Variants in BACH2 observed in about 807,000 individuals in gnomAD.
The protein encoded by BACH2 is BACH transcriptional regulator 2.
BACH2 carries 5 observed loss-of-function variants against 61.8 expected under a neutral mutation model. The ratio of observed to expected loss-of-function variants is 0.08; its 90% CI spans 0.04 to 0.17. The LOEUF is 0.17. Ranked by LOEUF, BACH2 falls within the 10% of genes least tolerant of loss-of-function variation. The pLI, the probability that BACH2 is intolerant of heterozygous loss-of-function variation, is 1.00. For synonymous variants in BACH2, 446 were observed against 440.1 expected, an observed-to-expected ratio of 1.01 and a Z score of -0.17; for missense variants, 824 against 1,091.1, an observed-to-expected ratio of 0.76 and a Z score of 3.45.
intron 4 of BACH2, among the ~76,000 whole-genome samples, chr6:90,188,596 A>G (rs1768441031): frequency 6.6e-6 from 1 of 152,106 alleles, no homozygotes. Context: ...GTACTCATTC[A>G]TGACCAAAAG....
intron 5 of BACH2, among the ~76,000 whole-genome samples, chr6:90,023,118 A>G (rs1778462402): frequency 6.6e-6 from 1 of 152,250 alleles, no homozygotes; most frequent in Non-Finnish European, 1.5e-5. Context: ...ACACAGGATA[A>G]TAACATACAA....
At chr6:89,974,377 G>T (rs561133048) in intron 6 of BACH2, among the ~76,000 whole-genome samples, 4 of 152,198 alleles carry the variant, frequency 2.6e-5, no homozygotes, top group African/African-American at 7.2e-5. Context: ...TACCCTGGAT[G>T]CTCAGTAAAG....
chr6:90,285,636 G>A (rs1473667058), intron 1 of BACH2, among the ~76,000 whole-genome samples: 1 of 152,194 alleles, frequency 6.6e-6, no homozygotes, highest in Non-Finnish European at 1.5e-5. Flanking sequence ...TTTCTCCCCT[G>A]CAACCAGAAG....
At chr6:90,222,962 A>G (rs937661906) in intron 3 of BACH2, among the ~76,000 whole-genome samples, 1 of 152,202 alleles carries the variant, frequency 6.6e-6, no homozygotes, top group African/African-American at 2.4e-5. Context: ...TGCTCTCTTT[A>G]AAACAGCCAA....
chr6:90,115,167 A>G (rs975947467), intron 4 of BACH2, among the ~76,000 whole-genome samples: 4 of 152,156 alleles, frequency 2.6e-5, no homozygotes, highest in African/African-American at 9.7e-5. Context: ...ACTAGAAAAA[A>G]TTATTTTAAA....
intron 4 of BACH2, among the ~76,000 whole-genome samples, chr6:90,176,702 A>G (rs893023913): frequency 1.3e-5 from 2 of 152,172 alleles, no homozygotes; most frequent in Non-Finnish European, 2.9e-5. Flanking sequence ...CATCACTTCC[A>G]AATCAGTTTT....
chr6:90,001,265 C>T (rs1400145356), intron 6 of BACH2: 1 of 152,234 alleles, frequency 6.6e-6, no homozygotes, highest in Non-Finnish European at 1.5e-5. Context: ...GATAAAACAC[C>T]ACATCTTGAG....
At chr6:90,002,787 AT>A (rs1242448902) in intron 6 of BACH2, among the ~76,000 whole-genome samples, 5 of 152,162 alleles carry the variant, frequency 3.3e-5, no homozygotes, top group African/African-American at 1.2e-4. Flanking sequence ...AAACAAAAAA[AT>A]AAACAAAACT....
intron 4 of BACH2, among the ~76,000 whole-genome samples, chr6:90,101,033 C>T (rs1782603916): frequency 6.6e-6 from 1 of 152,096 alleles, no homozygotes; most frequent in Non-Finnish European, 1.5e-5. Flanking sequence ...CACTTACTGG[C>T]CATTTGTATA....
intron 5 of BACH2, among the ~76,000 whole-genome samples, chr6:90,025,398 A>G (rs1778584881): frequency 6.6e-6 from 1 of 151,952 alleles, no homozygotes; most frequent in Non-Finnish European, 1.5e-5. Flanking sequence ...TCTTTTCTAT[A>G]TTGTCACTTC....
intron 4 of BACH2, among the ~76,000 whole-genome samples, chr6:90,103,025 ATATATTTT>A (rs1407121235): frequency 0.014 from 381 of 27,474 alleles, 9 homozygotes; most frequent in African/African-American, 0.062. Context: ...ATATATATAT[ATATATTTT>A]TTTTTTTTTT....
At chr6:90,034,008 T>C (rs1298709251) in intron 5 of BACH2, among the ~76,000 whole-genome samples, 3 of 152,186 alleles carry the variant, frequency 2.0e-5, no homozygotes, top group Non-Finnish European at 4.4e-5. Context: ...TTTAGTATTT[T>C]AGACAACTGG....
rs977543155 is a variant in BACH2, at chr6:90,009,947, G to A, written c.-12-1091C>T. Among the ~76,000 whole-genome samples, 3 of 152,260 alleles carry A rather than the reference G, an allele frequency of 2.0e-5. No individual in the cohort carries two copies. The East Asian group carries it at 5.8e-4, about 29-fold the overall frequency. ...CCCAAAGTGCTGGGATTACAGGCGT[G>A]AGCCACTGTGCCTGGCCCCGCTGAG... On this transcript the variant is annotated intron_variant, in intron 5 of 8. Transcript: ENST00000257749.
rs1562300405 is a variant in BACH2 at position 89,931,040 on chromosome 6, C to G, written c.*1368G>C. ...CAGGAAAGCCAGTGGCTGGTTGGCC[C>G]CGTCCTTCAGGGGAGCAGGTCCTAC... On this transcript the variant is annotated 3_prime_UTR_variant, in exon 9 of 9. Transcript: ENST00000257749. The G allele has an allele frequency of 6.6e-6, 1 of 152,372 alleles. No homozygotes were observed. The highest frequency in any genetic ancestry group is 1.5e-5 in the Non-Finnish European group (1 of 68,064). 9.4% of individuals were successfully genotyped at this position (152,372 alleles called of 1,614,324 possible).
chr6:90,242,885 CTTTTT>C (rs1034566481), intron 3 of BACH2, among the ~76,000 whole-genome samples: 17 of 145,094 alleles, frequency 1.2e-4, no homozygotes, highest in Admixed American at 1.0e-3. Context: ...TATCTGATTT[CTTTTT>C]TTTTTTGAGG....
At chr6:90,124,656 A>T (rs1213232798) in intron 4 of BACH2, among the ~76,000 whole-genome samples, 1 of 152,176 alleles carries the variant, frequency 6.6e-6, no homozygotes, top group Non-Finnish European at 1.5e-5. Context: ...TATGTACCAG[A>T]ATTTACTTAA....
chr6:90,026,636 A>T (rs1778650275), intron 5 of BACH2, among the ~76,000 whole-genome samples: 4 of 152,184 alleles, frequency 2.6e-5, no homozygotes, highest in Admixed American at 2.6e-4. Flanking sequence ...GCCTATACAT[A>T]AAGAATATCT....
Position 90,296,624 on chromosome 6 carries a change from T to C in BACH2, c.-590A>G, listed in dbSNP as rs2127898351. On this transcript the variant is annotated 5_prime_UTR_variant, in exon 1 of 9. Transcript: ENST00000257749. ...GGACGCGCATCACATGGCAGCTCGT[T>C]CCCAGCCCCCCGAGTGCGCCGGGAA... The C allele has an allele frequency of 6.6e-6, 1 of 151,646 alleles. No homozygotes were observed. The highest frequency in any genetic ancestry group is 2.4e-5 in the African/African-American group (1 of 41,182). 9.4% of individuals were successfully genotyped at this position (151,646 alleles called of 1,614,324 possible). A position where few individuals can be genotyped will look rare whatever the true frequency, so the allele number is the denominator to read the frequency against.
intron 5 of BACH2, among the ~76,000 whole-genome samples, chr6:90,067,980 T>G (rs1781043187): frequency 6.6e-6 from 1 of 152,192 alleles, no homozygotes; most frequent in Admixed American, 6.5e-5. Context: ...GGCATAGTTC[T>G]AGGCAATGGG....
Sources: allele counts gnomAD v4.1 joint callset (sites outside exome capture counted in the v4.1 genomes callset), GRCh38; gene constraint gnomAD v4.1.1; transcripts MANE v1.5; gene names NCBI Gene and HGNC (gene_info 2026-07-23, HGNC 2026-07-21).